The following UNC13C variants were observed in gnomAD, a reference collection of about 807,000 sequenced individuals.
The protein encoded by UNC13C is protein unc-13 homolog C.
Under a neutral mutation model 245.4 loss-of-function variants are expected in UNC13C, and 174 were observed. The observed-to-expected ratio is 0.71, with a 90% CI of 0.63 to 0.80. UNC13C has a LOEUF of 0.80. Among genes scored for constraint, UNC13C ranks in the 30% least tolerant of loss-of-function variants. The probability of loss-of-function intolerance (pLI) is 0.00; values close to 1 mark genes in which losing one functional copy is unlikely to be tolerated. For missense variants in UNC13C, 2,829 were observed against 2,602.9 expected (o/e 1.09, Z -1.89); for synonymous variants, 992 against 895.1 (o/e 1.11, Z -1.93).
intron 4 of UNC13C, among the ~76,000 whole-genome samples, chr15:54,209,436 G>A (rs1033772494): frequency 1.3e-5 from 2 of 151,028 alleles, no homozygotes; most frequent in African/African-American, 4.9e-5. Context: ...TTTTGAGACA[G>A]GGTCTCACTC....
chr15:54,036,800 C>T (rs1023279576), intron 2 of UNC13C, among the ~76,000 whole-genome samples: 7 of 152,156 alleles, frequency 4.6e-5, no homozygotes, highest in African/African-American at 1.4e-4. Context: ...TGTTCAAAGA[C>T]CAAAACAGAA....
intron 4 of UNC13C, among the ~76,000 whole-genome samples, chr15:54,187,538 T>G (rs1296389881): frequency 6.6e-6 from 1 of 152,172 alleles, no homozygotes; most frequent in Non-Finnish European, 1.5e-5. Flanking sequence ...TGGCCCATTG[T>G]CTCTGATACC....
intron 19 of UNC13C, among the ~76,000 whole-genome samples, chr15:54,474,356 T>C (rs1031353373): frequency 1.3e-5 from 2 of 152,086 alleles, no homozygotes; most frequent in East Asian, 1.9e-4. Flanking sequence ...TTCCTTCTGA[T>C]AATAGCCATT....
At chr15:53,863,808 C>T in the UNC13C span, among the ~76,000 whole-genome samples, 1 of 152,186 alleles carries the variant, frequency 6.6e-6, no homozygotes, top group Non-Finnish European at 1.5e-5. Context: ...TACTGTGCTT[C>T]TAATTTCCAG....
At chr15:54,035,762 A>G (rs1041126329) in intron 2 of UNC13C, among the ~76,000 whole-genome samples, 1 of 152,152 alleles carries the variant, frequency 6.6e-6, no homozygotes, top group Non-Finnish European at 1.5e-5. Context: ...AGATGAGCGC[A>G]CCCAATGCTA....
In UNC13C at chr15:54,264,208, G is replaced by T. The variant is rs1202352793; in HGVS notation, c.3489G>T (p.Lys1163Asn). The change falls in exon 9 of 33, where the codon AAG becomes AAT. Residue 1163 changes from lysine to asparagine, a missense_variant. Lys to Asn is a moderately conservative substitution (Grantham distance 94, BLOSUM62 0). Transcript: ENST00000260323. ...GTTCTAAACATGGTGCCGAAGACAA[G>T]ACTCAGACCATTATTACAGCAATGA... Reference protein sequence around the residue: ...EKSSKHGAEDKTQTIITAMKE... With the variant: ...EKSSKHGAEDNTQTIITAMKE... The T allele has an allele frequency of 1.3e-6, 2 of 1,591,672 alleles. No homozygotes were observed. Among genetic ancestry groups the T allele is most frequent in the Admixed American group, 3.5e-5 (2 of 56,780 alleles).
chr15:53,873,950 T>C, the UNC13C span, among the ~76,000 whole-genome samples: 2 of 131,478 alleles, frequency 1.5e-5, no homozygotes, highest in East Asian at 4.9e-4. Context: ...CTTCCTTCCT[T>C]CCTTCCTTCC....
rs80291761 is a variant in UNC13C at position 54,357,046 on chromosome 15, T to C, written c.4713+18557T>C. The stretch of plus-strand genomic sequence containing the variant: ...AGATTTTGTTTAAATTTCTTTAGTT[T>C]TTTTTGAAGTTTACAGTGTTAATTG... On this transcript the variant is annotated intron_variant, in intron 17 of 32. Coordinates refer to ENST00000260323, the MANE Select transcript of UNC13C (RefSeq NM_001080534.3). 8.8e-3 allele frequency among the ~76,000 whole-genome samples: 1,336 copies of C among 152,224 alleles called. 25 individuals are homozygous for C. Among genetic ancestry groups the C allele is most frequent in the African/African-American group, 0.03 (1,266 of 41,574 alleles).
intron 19 of UNC13C, among the ~76,000 whole-genome samples, chr15:54,438,877 A>G (rs894438968): frequency 6.6e-5 from 10 of 151,832 alleles, no homozygotes; most frequent in Non-Finnish European, 1.3e-4. Flanking sequence ...TCACCTTTAC[A>G]CTTTACTCAG....
At chr15:54,566,217 A>T (rs1017536499) in intron 29 of UNC13C, among the ~76,000 whole-genome samples, 1 of 152,040 alleles carries the variant, frequency 6.6e-6, no homozygotes. Flanking sequence ...ACCAATCTAT[A>T]TTTATGTGTA....
chr15:53,932,682 C>T, the UNC13C span, among the ~76,000 whole-genome samples: 1 of 152,154 alleles, frequency 6.6e-6, no homozygotes, highest in Non-Finnish European at 1.5e-5. Context: ...TATTCCTTTC[C>T]TTTAAATATT....
At chr15:54,405,528 G>A (rs990462694) in intron 18 of UNC13C, among the ~76,000 whole-genome samples, 18 of 152,016 alleles carry the variant, frequency 1.2e-4, no homozygotes, top group Non-Finnish European at 1.8e-4. Context: ...TAGAAAAAGC[G>A]AATAAAAAAT....
At chr15:54,096,311 C>G (rs924946809) in intron 2 of UNC13C, among the ~76,000 whole-genome samples, 2 of 139,754 alleles carry the variant, frequency 1.4e-5, no homozygotes, top group African/African-American at 5.5e-5. Context: ...ATCACATGGT[C>G]TTTTGATGCT....
intron 2 of UNC13C, among the ~76,000 whole-genome samples, chr15:54,023,283 G>A (rs58615732): frequency 0.06 from 9,157 of 152,150 alleles, 413 homozygotes; most frequent in East Asian, 0.16. Context: ...ATCCAAAGTC[G>A]ATGCTCTTTC....
chr15:54,011,128 G>A (rs148806460), intron 1 of UNC13C, among the ~76,000 whole-genome samples: 6 of 152,192 alleles, frequency 3.9e-5, no homozygotes, highest in African/African-American at 1.4e-4. Flanking sequence ...AGTTACTGGG[G>A]CATGAAAGAG....
At chr15:54,146,625 G>C (rs571477158) in intron 4 of UNC13C, among the ~76,000 whole-genome samples, 1 of 152,318 alleles carries the variant, frequency 6.6e-6, no homozygotes, top group African/African-American at 2.4e-5. Context: ...AGGAGCAAGA[G>C]AAAGTAGGAA....
chr15:54,496,731 T>C (rs1893965258), intron 20 of UNC13C, among the ~76,000 whole-genome samples: 1 of 151,564 alleles, frequency 6.6e-6, no homozygotes, highest in South Asian at 2.1e-4. Context: ...AAACCAAACA[T>C]TATATGTTTT....
At chr15:54,158,783 G>A (rs1409878266) in intron 4 of UNC13C, among the ~76,000 whole-genome samples, 8 of 151,336 alleles carry the variant, frequency 5.3e-5, no homozygotes, top group Non-Finnish European at 7.4e-5. Flanking sequence ...CCAAATAGCC[G>A]AGACCACAGG....
At position 53,999,252 on chromosome 15, in the gene UNC13C, A is replaced by G. The variant is rs1328558446; in HGVS notation, c.-256-13396A>G. On this transcript the variant is annotated intron_variant, in intron 1 of 32. Coordinates refer to ENST00000260323, the MANE Select transcript of UNC13C (RefSeq NM_001080534.3). ...TTCTTTATGGAAGATATTTGATTAC[A>G]TATGTATATGTAAGATATCTATATA... Among the ~76,000 whole-genome samples the G allele has an allele frequency of 2.0e-5, 3 of 151,828 alleles. No homozygotes were observed. The East Asian group carries it at 5.8e-4, about 29-fold the overall frequency.
Sources: gnomAD v4.1 joint callset for allele counts (sites outside exome capture counted in the v4.1 genomes callset) on GRCh38, gnomAD v4.1.1 for gene constraint, MANE v1.5 for transcripts, NCBI Gene and HGNC (gene_info 2026-07-23, HGNC 2026-07-21) for gene names.